Variants in ARRDC5 observed in about 807,000 individuals in gnomAD.
ARRDC5 encodes arrestin domain-containing protein 5.
In ARRDC5, 12 loss-of-function variants were observed where a neutral mutation model predicts 13.3. The observed-to-expected ratio is 0.90, with a 90% CI of 0.58 to 1.46. ARRDC5 has a LOEUF of 1.46. Ranked by LOEUF, ARRDC5 falls within the 40% of genes most tolerant of loss-of-function variation. The probability of loss-of-function intolerance (pLI) is 0.00; values close to 1 mark genes in which losing one functional copy is unlikely to be tolerated. For missense variants in ARRDC5, 406 were observed against 418.7 expected (o/e 0.97, Z 0.26); for synonymous variants, 181 against 173.4 (o/e 1.04, Z -0.34).
At chr19:4,905,306 A>G (rs2032044369), upstream of ARRDC5, among the ~76,000 whole-genome samples, 1 of 149,250 alleles carries the variant, frequency 6.7e-6, no homozygotes, top group South Asian at 2.1e-4. Context: ...TTTTTAGTAG[A>G]GATGGGGTTT....
the ARRDC5 span, chr19:4,909,566 C>A: frequency 1.5e-6 from 1 of 657,620 alleles, no homozygotes. Context: ...CGCAAGTCCG[C>A]GCGGGGTCCG....
intron 1 of ARRDC5, among the ~76,000 whole-genome samples, chr19:4,902,224 G>A (rs1464401789): frequency 6.6e-6 from 1 of 152,122 alleles, no homozygotes; most frequent in East Asian, 1.9e-4. Flanking sequence ...ATGCAGGACT[G>A]CCTACTTTGT....
At position 4,891,346 on chromosome 19, in the gene ARRDC5, A is replaced by G. The variant is rs1216452780; in HGVS notation, c.687T>C (p.Ser229=). 2 of 1,613,774 alleles carry G rather than the reference A, an allele frequency of 1.2e-6. No homozygotes were observed. The highest frequency in any genetic ancestry group is 2.2e-5 in the South Asian group (2 of 91,070). ...EGFTPSAERR[S]RLDSSELLRQ... is the part of the protein sequence containing the mutation. ...TCAGAAGCTCGCTGCTGTCCAGCCG[A>G]GACCGCCGCTCTGCACTGGGCGTGA... Residue 229 remains serine, a synonymous_variant, in exon 3 of 3, where the codon TCT becomes TCC. Transcript: ENST00000650722.
intron 2 of ARRDC5, among the ~76,000 whole-genome samples, chr19:4,894,364 A>G (rs1328231302): frequency 1.3e-5 from 2 of 149,892 alleles, no homozygotes; most frequent in African/African-American, 4.9e-5. Context: ...ACAAAAAATT[A>G]GCCGGGCGTA....
intron 2 of ARRDC5, among the ~76,000 whole-genome samples, chr19:4,896,329 A>ATATAT (rs1555740918): frequency 5.5e-5 from 4 of 73,352 alleles, no homozygotes; most frequent in South Asian, 5.4e-4. Flanking sequence ...AAAAAAAAAA[A>ATATAT]ATATATATAT....
upstream of ARRDC5, among the ~76,000 whole-genome samples, chr19:4,904,796 C>T (rs2146264582): frequency 6.6e-6 from 1 of 152,326 alleles, no homozygotes; most frequent in South Asian, 2.1e-4. Context: ...TTAATGACCT[C>T]TGAGAATGTA....
chr19:4,911,994 C>T, the ARRDC5 span, among the ~76,000 whole-genome samples: 3 of 152,286 alleles, frequency 2.0e-5, no homozygotes, highest in Non-Finnish European at 4.4e-5. Flanking sequence ...ATAAACACTG[C>T]GCCCGGCCAG....
rs377435207 is a variant in ARRDC5 at position 4,902,782 on chromosome 19, C to A, written c.44G>T (p.Arg15Ile). 1.2e-6 allele frequency: 2 copies of A among 1,613,874 alleles called. No homozygotes were observed. The highest frequency in any genetic ancestry group is 1.3e-5 in the African/African-American group (1 of 74,928). Residue 15 changes from arginine (R) to isoleucine (I), a missense_variant, in exon 1 of 3, where the codon AGA becomes ATA. By Grantham distance (97) the Arg-to-Ile change is moderately conservative (BLOSUM62 -3). Coordinates refer to ENST00000650722, the MANE Select transcript of ARRDC5 (RefSeq NM_001080523.3). ...KSIELVLPED[R>I]IYLAGSSIKG... The stretch of plus-strand genomic sequence containing the variant: ...TATGCTGGAGCCAGCCAGGTAGATT[C>A]TATCCTCGGGCAGCACTAATTCGAT...
upstream of ARRDC5, among the ~76,000 whole-genome samples, chr19:4,905,374 C>T (rs562890502): frequency 6.6e-6 from 1 of 151,662 alleles, no homozygotes; most frequent in Non-Finnish European, 1.5e-5. Flanking sequence ...CTGCCTCAGC[C>T]TCCCAAAGTG....
the ARRDC5 span, chr19:4,910,009 A>T: frequency 1.2e-5 from 2 of 172,160 alleles, no homozygotes; most frequent in Admixed American, 6.4e-5. Context: ...GTTCCCCGGG[A>T]GCATCTGGGC....
At chr19:4,902,062 T>C (rs1290370000) in intron 1 of ARRDC5, among the ~76,000 whole-genome samples, 2 of 152,120 alleles carry the variant, frequency 1.3e-5, no homozygotes, top group Admixed American at 1.3e-4. Context: ...AATTTTTTGG[T>C]ATTTTTTGGT....
At chr19:4,910,580 C>G in the ARRDC5 span, 38 of 314,220 alleles carry the variant, frequency 1.2e-4, 1 homozygote, top group African/African-American at 7.3e-4. Context: ...CCTCCTTTCT[C>G]CTCTGGTCGT....
chr19:4,905,770 G>T (rs533635061), upstream of ARRDC5, among the ~76,000 whole-genome samples: 1 of 152,206 alleles, frequency 6.6e-6, no homozygotes, highest in Admixed American at 6.5e-5. Context: ...GCCTGCCTTG[G>T]CCTCCCAAAG....
Position 4,891,711 on chromosome 19 carries a change from C to T in ARRDC5, c.460-138G>A, listed in dbSNP as rs2031519628. ...ATAGCTCACGCCTATAATCCCAACA[C>T]CTTGGGAGGCCGAGGCGGGAGGATC... On this transcript the variant is annotated intron_variant, in intron 2 of 2. Coordinates refer to ENST00000650722, the MANE Select transcript of ARRDC5 (RefSeq NM_001080523.3). 9.6e-6 allele frequency: 7 copies of T among 726,332 alleles called. No homozygotes were observed. In the South Asian group the frequency reaches 1.1e-4, roughly 12 times the overall value. 45.0% of individuals were successfully genotyped at this position (726,332 alleles called of 1,614,324 possible).
chr19:4,913,167 G>C, the ARRDC5 span, among the ~76,000 whole-genome samples: 1 of 151,438 alleles, frequency 6.6e-6, no homozygotes. Flanking sequence ...CATAATACTT[G>C]AGTCATACAA....
At chr19:4,911,359 C>T in the ARRDC5 span, among the ~76,000 whole-genome samples, 1 of 152,114 alleles carries the variant, frequency 6.6e-6, no homozygotes, top group Non-Finnish European at 1.5e-5. Flanking sequence ...CGATGGAAGG[C>T]TGAGGAATTT....
Position 4,891,220 on chromosome 19 carries a change from G to A in ARRDC5, c.813C>T (p.Asp271=), listed in dbSNP as rs777901315. The part of the protein sequence containing the change: ...LLLSVSSSTQ[D]GEIMHTRYEL... ...CGTAGCGAGTGTGCATGATCTCACC[G>A]TCCTGCGTGCTGCTGCTCACGGACA... Residue 271 remains aspartate, a synonymous_variant, in exon 3 of 3, where the codon GAC becomes GAT. Coordinates refer to ENST00000650722, the MANE Select transcript of ARRDC5 (RefSeq NM_001080523.3). 23 of 1,613,722 alleles carry A rather than the reference G, an allele frequency of 1.4e-5. No individual in the cohort carries two copies. Among genetic ancestry groups the A allele is most frequent in the South Asian group, 9.9e-5 (9 of 91,080 alleles).
At chr19:4,895,143 T>G (rs2031666122) in intron 2 of ARRDC5, among the ~76,000 whole-genome samples, 1 of 151,100 alleles carries the variant, frequency 6.6e-6, no homozygotes, top group Admixed American at 6.6e-5. Flanking sequence ...CGGTACCGGC[T>G]AGGAGCGGTG....
the ARRDC5 span, among the ~76,000 whole-genome samples, chr19:4,914,744 T>C: frequency 6.6e-6 from 1 of 151,728 alleles, no homozygotes; most frequent in Non-Finnish European, 1.5e-5. Context: ...CTCTGCACTG[T>C]ACATAATCTT....
Sources: gnomAD v4.1 joint callset for allele counts (sites outside exome capture counted in the v4.1 genomes callset) on GRCh38, gnomAD v4.1.1 for gene constraint, MANE v1.5 for transcripts, NCBI Gene and HGNC (gene_info 2026-07-23, HGNC 2026-07-21) for gene names.